The following HEATR5B variants were observed in gnomAD, a reference collection of about 807,000 sequenced individuals.
HEATR5B encodes HEAT repeat-containing protein 5B.
Under a neutral mutation model 224.1 loss-of-function variants are expected in HEATR5B, and 156 were observed. The observed-to-expected ratio is 0.70, with a 90% CI of 0.61 to 0.80. The LOEUF (loss-of-function observed/expected upper bound fraction) is 0.80, where lower values mean the gene tolerates loss of function less well. Among genes scored for constraint, HEATR5B ranks in the 30% least tolerant of loss-of-function variants. HEATR5B has a pLI of 0.00. For missense variants in HEATR5B, 2,323 were observed against 2,535.5 expected (o/e 0.92, Z 1.80); for synonymous variants, 1,027 against 893.0 (o/e 1.15, Z -2.68).
chr2:36,986,252 T>G (rs1429037901), intron 35 of HEATR5B, among the ~76,000 whole-genome samples: 1 of 152,246 alleles, frequency 6.6e-6, no homozygotes, highest in African/African-American at 2.4e-5. Flanking sequence ...TAACCTATAT[T>G]GTTACTAATT....
At chr2:37,050,758 A>C (rs941057164) in intron 17 of HEATR5B, among the ~76,000 whole-genome samples, 2 of 152,166 alleles carry the variant, frequency 1.3e-5, no homozygotes, top group African/African-American at 2.4e-5. Context: ...AAACAAAATG[A>C]GGCGAGGCGC....
In HEATR5B at chr2:37,007,072, T is replaced by G; in HGVS notation, c.4755A>C (p.Lys1585Asn). The G allele has an allele frequency of 1.2e-6, 2 of 1,614,152 alleles. No individual in the cohort carries two copies. The highest frequency in any genetic ancestry group is 1.7e-6 in the Non-Finnish European group (2 of 1,179,974). ...GSAKSLPEIN[K>N]DRMHLILGVS... is the part of the protein sequence containing the mutation. Reference sequence around the variant, plus strand: ...TACCTAAAATCAGATGCATTCTGTCTTTGTTAATTTCTGGCAAAGATTTAG... The same window carrying G: ...TACCTAAAATCAGATGCATTCTGTCGTTGTTAATTTCTGGCAAAGATTTAG... The change falls in exon 29 of 36, where the codon AAA becomes AAC. Residue 1585 changes from lysine to asparagine, a missense_variant. By Grantham distance (94) the Lys-to-Asn change is moderately conservative (BLOSUM62 0). Around this residue, in one of 12 missense-constraint regions of HEATR5B, gnomAD observed 844 missense variants for 812.9 expected, o/e 1.04. Transcript: ENST00000233099.
At chr2:37,074,741 T>TGA (rs775844300) in intron 5 of HEATR5B, among the ~76,000 whole-genome samples, 80 of 152,286 alleles carry the variant, frequency 5.3e-4, no homozygotes, top group Non-Finnish European at 8.2e-4. Context: ...GACAAAAGAT[T>TGA]GAGCACATCC....
intron 28 of HEATR5B, chr2:37,008,040 C>G: frequency 6.4e-6 from 1 of 155,496 alleles, no homozygotes; most frequent in Non-Finnish European, 1.4e-5. Flanking sequence ...TTCCTCATCA[C>G]TCCTTGCTGT....
At chr2:37,044,145 G>A (rs1294134081) in intron 18 of HEATR5B, among the ~76,000 whole-genome samples, 2 of 152,134 alleles carry the variant, frequency 1.3e-5, no homozygotes, top group African/African-American at 4.8e-5. Context: ...CTCACAGCGT[G>A]TATCAATTTG....
rs752187224 is a variant in HEATR5B at position 37,032,638 on chromosome 2, T to G, written c.3352A>C (p.Ser1118Arg). 1.9e-6 allele frequency: 3 copies of G among 1,612,354 alleles called. No individual in the cohort carries two copies. The highest frequency in any genetic ancestry group is 2.7e-5 in the African/African-American group (2 of 74,848). The change falls in exon 22 of 36, where the codon AGT (serine) becomes CGT (arginine). Residue 1118 changes from serine (S) to arginine (R), a missense_variant. Transcript: ENST00000233099. Reference sequence around the variant, plus strand: ...CAATAATATAACTTACTGGCACTACTGCTCTCTTTGTCCCCTGTATTTTTT... The same window carrying G: ...CAATAATATAACTTACTGGCACTACGGCTCTCTTTGTCCCCTGTATTTTTT... ...LAKNTGDKES[S>R]SANVSPFAPG...
Position 37,013,818 on chromosome 2 carries a change from A to G in HEATR5B, c.4284+23T>C, listed in dbSNP as rs760700681. 4 of 1,519,680 alleles carry G rather than the reference A, an allele frequency of 2.6e-6. No individual in the cohort carries two copies. In the South Asian group the frequency reaches 3.9e-5, roughly 15 times the overall value. 94.1% of individuals were successfully genotyped at this position (1,519,680 alleles called of 1,614,324 possible). On this transcript the variant is annotated intron_variant, in intron 27 of 35. Coordinates refer to ENST00000233099, the MANE Select transcript of HEATR5B (RefSeq NM_019024.3). The stretch of plus-strand genomic sequence containing the variant: ...TGGATGAAGAAATGGGTCAAAAACA[A>G]TAGATTGTGGTTTAGTCGTTACCTC...
At chr2:36,998,108 G>C (rs566568426) in intron 33 of HEATR5B, among the ~76,000 whole-genome samples, 1 of 152,120 alleles carries the variant, frequency 6.6e-6, no homozygotes, top group African/African-American at 2.4e-5. Context: ...ACTGATTCTT[G>C]GGCCTACTCC....
At position 37,061,960 on chromosome 2, in the gene HEATR5B, G is replaced by T. The variant is rs1336113321; in HGVS notation, c.1675C>A (p.Leu559Ile). 1 of 1,613,040 alleles carries T rather than the reference G, an allele frequency of 6.2e-7. No individual in the cohort carries two copies. Among genetic ancestry groups the T allele is most frequent in the Non-Finnish European group, 8.5e-7 (1 of 1,179,216 alleles). ...LQRTQAGWLL[L>I]GALMTLGPSV... ...ATACCTAAAGTCATAAGTGCTCCAAGTAAAAGCCAGCCAGCTTGGGTGCGC... is the reference window on the plus strand; with the variant it reads ...ATACCTAAAGTCATAAGTGCTCCAATTAAAAGCCAGCCAGCTTGGGTGCGC... The change falls in exon 11 of 36, where the codon CTT becomes ATT. Residue 559 changes from leucine to isoleucine, a missense_variant. By Grantham distance (5) the Leu-to-Ile change is conservative (BLOSUM62 2). This residue lies in a region of HEATR5B where 502 missense variants were observed against 517.8 expected (regional missense o/e 0.97). Transcript: ENST00000233099.
chr2:37,063,094 C>T (rs1304097332), intron 10 of HEATR5B, among the ~76,000 whole-genome samples: 1 of 152,160 alleles, frequency 6.6e-6, no homozygotes. Context: ...GCCACCACGC[C>T]CAGGCAAGGT....
intron 21 of HEATR5B, among the ~76,000 whole-genome samples, chr2:37,033,041 T>C (rs1218161532): frequency 6.6e-6 from 1 of 151,994 alleles, no homozygotes; most frequent in African/African-American, 2.4e-5. Flanking sequence ...CCACCACACC[T>C]GGCTAATTTT....
At chr2:37,040,553 G>A (rs960377529) in intron 19 of HEATR5B, 35 bp from the exon 20 acceptor site, 4 of 1,482,210 alleles carry the variant, frequency 2.7e-6, no homozygotes, top group Non-Finnish European at 2.8e-6. Context: ...TAGTTGTAAG[G>A]AAGAATTCGA....
At chr2:37,020,922 G>T in intron 24 of HEATR5B, 86 bp from the exon 25 acceptor site, 1 of 769,390 alleles carries the variant, frequency 1.3e-6, no homozygotes, top group Non-Finnish European at 2.0e-6. Context: ...ATAAATTTTT[G>T]ATAAAAAACA....
Position 37,000,715 on chromosome 2 carries a change from T to C in HEATR5B, c.5416A>G (p.Ser1806Gly). The part of the protein sequence containing the change: ...SADNQVPPPV[S>G]AALQGIKSIV... ...CTTTTAATCCCTTGAAGAGCTGCAC[T>C]GACTGGTGGAGGAACCTGATTATCT... Residue 1806 changes from serine to glycine, a missense_variant, in exon 33 of 36, where the codon AGT becomes GGT. Physicochemically the swap from Ser to Gly is moderately conservative, Grantham distance 56. This residue lies in a region of HEATR5B where 844 missense variants were observed against 812.9 expected (regional missense o/e 1.04). Transcript: ENST00000233099. 2 of 1,614,114 alleles carry C rather than the reference T, an allele frequency of 1.2e-6. No individual in the cohort carries two copies. The highest frequency in any genetic ancestry group is 8.5e-7 in the Non-Finnish European group (1 of 1,179,944).
Position 36,988,504 on chromosome 2 carries a change from C to T in HEATR5B, c.5911+142G>A, listed in dbSNP as rs147560316. The T allele has an allele frequency of 3.7e-3, 2,293 of 627,470 alleles. 39 individuals carry two copies. The African/African-American group carries it at 0.038, about 10-fold the overall frequency. The allele number at this position is 627,470 out of a possible 1,614,324, so 38.9% of individuals were successfully genotyped here. A position where few individuals can be genotyped will look rare whatever the true frequency, so the allele number is the denominator to read the frequency against. ...CTCGATCTCCTGACCTCGTGATCCA[C>T]CCACCTTGGCCTCCCAGAGTGCTGG... On this transcript the variant is annotated intron_variant, in intron 35 of 35. Transcript: ENST00000233099.
At chr2:36,990,347 T>C (rs1412142405) in intron 34 of HEATR5B, among the ~76,000 whole-genome samples, 1 of 152,204 alleles carries the variant, frequency 6.6e-6, no homozygotes, top group African/African-American at 2.4e-5. Flanking sequence ...AGCTTCTCCT[T>C]TAATGTCCTT....
At position 36,988,654 on chromosome 2, in the gene HEATR5B, T is replaced by C. The variant is rs775795139; in HGVS notation, c.5903A>G (p.Glu1968Gly). The change falls in exon 35 of 36, where the codon GAA (glutamate) becomes GGA (glycine). Residue 1968 changes from glutamate (E) to glycine (G), a missense_variant. Transcript: ENST00000233099. ...VLETLVALGE[E>G]QNRVQLLALL... Reference sequence around the variant, plus strand: ...TATAAGAATATACTTACTGTTTTGTTCTTCACCAAGAGCAACCAGTGTTTC... The same window carrying C: ...TATAAGAATATACTTACTGTTTTGTCCTTCACCAAGAGCAACCAGTGTTTC... The C allele has an allele frequency of 1.2e-6, 2 of 1,612,366 alleles. No individual in the cohort carries two copies. Among genetic ancestry groups the C allele is most frequent in the South Asian group, 2.2e-5 (2 of 91,044 alleles).
At chr2:36,991,410 G>A (rs1054348882) in intron 33 of HEATR5B, among the ~76,000 whole-genome samples, 4 of 151,112 alleles carry the variant, frequency 2.6e-5, no homozygotes, top group Non-Finnish European at 4.4e-5. Context: ...CAGGAGAATC[G>A]CTTGTACCGG....
chr2:37,010,770 T>C (rs1572796537), intron 27 of HEATR5B, among the ~76,000 whole-genome samples: 1 of 151,984 alleles, frequency 6.6e-6, no homozygotes, highest in Admixed American at 6.6e-5. Context: ...CTTCTCAGCC[T>C]CCCCAAGTGC....
Sources: allele counts gnomAD v4.1 joint callset (sites outside exome capture counted in the v4.1 genomes callset), GRCh38; gene constraint gnomAD v4.1.1; regional missense constraint gnomAD v4.1.1; transcripts MANE v1.5; gene names NCBI Gene and HGNC (gene_info 2026-07-23, HGNC 2026-07-21).